TXNL1: variants seen among roughly 807,000 people sequenced by gnomAD.
TXNL1 encodes the protein thioredoxin-like protein 1.
In TXNL1, 14 loss-of-function variants were observed where a neutral mutation model predicts 35.5. That is an observed-to-expected ratio of 0.39 (90% CI 0.26 to 0.62). The LOEUF (loss-of-function observed/expected upper bound fraction) is 0.62, where lower values mean the gene tolerates loss of function less well. TXNL1 is among the 20% of genes least tolerant of loss of function. The probability of loss-of-function intolerance (pLI) is 0.47; values close to 1 mark genes in which losing one functional copy is unlikely to be tolerated. For synonymous variants in TXNL1, 110 were observed against 115.5 expected, an observed-to-expected ratio of 0.95 and a Z score of 0.31; for missense variants, 263 against 349.7, an observed-to-expected ratio of 0.75 and a Z score of 1.98.
intron 1 of TXNL1, among the ~76,000 whole-genome samples, chr18:56,631,392 G>A (rs2024368276): frequency 6.6e-6 from 1 of 151,984 alleles, no homozygotes; most frequent in Admixed American, 6.6e-5. Flanking sequence ...ACCTTGATTA[G>A]CTGCCCTTTG....
At chr18:56,604,071 A>G (rs1185724467) in intron 7 of TXNL1, among the ~76,000 whole-genome samples, 1 of 152,124 alleles carries the variant, frequency 6.6e-6, no homozygotes, top group Admixed American at 6.5e-5. Context: ...CAATCACACA[A>G]TCCTAGAAAT....
rs1207870011 is a variant in TXNL1, at chr18:56,597,513, G to T, written c.*5514C>A. 1 of 152,168 alleles carries T rather than the reference G, an allele frequency of 6.6e-6. No homozygotes were observed. Among genetic ancestry groups the T allele is most frequent in the African/African-American group, 2.4e-5 (1 of 41,454 alleles). The allele number at this position is 152,168 out of a possible 1,614,324, so 9.4% of individuals were successfully genotyped here. On this transcript the variant is annotated 3_prime_UTR_variant, in exon 8 of 8. Transcript: ENST00000217515. ...TTTCAATATCACATTTGAAGATGGT[G>T]ACTGCTCCCTCTTGGATTCATTAAC...
In TXNL1 at chr18:56,599,209, A is replaced by G. The variant is rs1007934390; in HGVS notation, c.*3818T>C. ...CAACTAATAATTTTACATGGACCAC[A>G]AAGTTTAAAAGCGATCTTATTAGCC... On this transcript the variant is annotated 3_prime_UTR_variant, in exon 8 of 8. Coordinates refer to ENST00000217515, the MANE Select transcript of TXNL1 (RefSeq NM_004786.3). The G allele has an allele frequency of 2.6e-5, 4 of 152,116 alleles. No individual in the cohort carries two copies. The highest frequency in any genetic ancestry group is 6.5e-5 in the Admixed American group (1 of 15,268). The allele number at this position is 152,116 out of a possible 1,614,324, so 9.4% of individuals were successfully genotyped here. A position where few individuals can be genotyped will look rare whatever the true frequency, so the allele number is the denominator to read the frequency against.
chr18:56,626,179 G>A, intron 2 of TXNL1, 182 bp downstream of exon 2: 1 of 1,329,680 alleles, frequency 7.5e-7, no homozygotes, highest in Non-Finnish European at 9.6e-7. Flanking sequence ...AATTAATAAT[G>A]TGCTACTCTT....
At chr18:56,619,105 T>C (rs923273712) in intron 3 of TXNL1, among the ~76,000 whole-genome samples, 1 of 150,726 alleles carries the variant, frequency 6.6e-6, no homozygotes, top group Non-Finnish European at 1.5e-5. Flanking sequence ...TCCCAGCTAA[T>C]TGGGAGGCTG....
intron 7 of TXNL1, among the ~76,000 whole-genome samples, chr18:56,607,810 C>T (rs542482166): frequency 4.8e-4 from 73 of 152,156 alleles, no homozygotes; most frequent in African/African-American, 1.5e-3. Context: ...GAGCTGAGAT[C>T]GCACCATTGC....
At chr18:56,618,262 AGTCC>A in intron 3 of TXNL1, 136 bp from the exon 4 acceptor site, 2 of 905,624 alleles carry the variant, frequency 2.2e-6, no homozygotes, top group East Asian at 2.7e-5. Flanking sequence ...CTTTTACAGT[AGTCC>A]TTTCATTTGC....
chr18:56,614,359 G>C (rs910642324), intron 6 of TXNL1, 65 bp downstream of exon 6: 5 of 1,420,594 alleles, frequency 3.5e-6, no homozygotes, highest in Non-Finnish European at 4.8e-6. Flanking sequence ...GACTTACCTA[G>C]GATACTGAAA....
chr18:56,630,984 G>A (rs1205818301), intron 1 of TXNL1, among the ~76,000 whole-genome samples: 1 of 151,622 alleles, frequency 6.6e-6, no homozygotes, highest in African/African-American at 2.4e-5. Context: ...AGGCTCAAGT[G>A]ATCCTTCCAC....
rs1182052183 is a variant in TXNL1 at position 56,634,849 on chromosome 18, C to G, written c.98+3494G>C. On this transcript the variant is annotated intron_variant, in intron 1 of 7. Coordinates refer to ENST00000217515, the MANE Select transcript of TXNL1 (RefSeq NM_004786.3). ...TTTAAAACTCATGCATCAAAGGACA[C>G]CATCAAGAAAAAGACAACCCAAAGA... Among the ~76,000 whole-genome samples, 4 of 152,112 alleles carry G rather than the reference C, an allele frequency of 2.6e-5. No homozygotes were observed. The East Asian group carries it at 7.7e-4, about 29-fold the overall frequency.
At chr18:56,607,773 T>C (rs577412893) in intron 7 of TXNL1, among the ~76,000 whole-genome samples, 48 of 152,198 alleles carry the variant, frequency 3.2e-4, no homozygotes, top group African/African-American at 9.9e-4. Flanking sequence ...GGAGAATCAC[T>C]TGAACCCGGG....
At chr18:56,625,259 TGGATATGTA>T (rs1477048498) in intron 2 of TXNL1, among the ~76,000 whole-genome samples, 1 of 152,094 alleles carries the variant, frequency 6.6e-6, no homozygotes, top group East Asian at 1.9e-4. Flanking sequence ...CCCAAAACAA[TGGATATGTA>T]GCACATGTGA....
chr18:56,616,323 A>G lies in TXNL1; in HGVS notation c.493-9T>C, dbSNP rs528869958. 1.9e-5 allele frequency: 30 copies of G among 1,613,078 alleles called. No homozygotes were observed. The highest frequency in any genetic ancestry group is 9.3e-5 in the African/African-American group (7 of 74,968). On this transcript the variant is annotated splice_polypyrimidine_tract_variant and intron_variant, in intron 4 of 7. Transcript: ENST00000217515. ...GCCACAGTAATAAGCAGCTGTGAAG[A>G]TAAGAGTTTCATTTTAAAGGGCTCT...
intron 7 of TXNL1, among the ~76,000 whole-genome samples, chr18:56,604,978 T>C (rs1407344652): frequency 6.6e-6 from 1 of 151,678 alleles, no homozygotes; most frequent in African/African-American, 2.4e-5. Context: ...TTAATTTTAT[T>C]GTGATGTTAT....
At chr18:56,626,797 C>CTGTTTTTTT (rs2024289562) in intron 1 of TXNL1, among the ~76,000 whole-genome samples, 1 of 55,000 alleles carries the variant, frequency 1.8e-5, no homozygotes, top group Non-Finnish European at 3.2e-5. Context: ...CCAAGCCGGT[C>CTGTTTTTTT]TTTTTTTTTT....
At chr18:56,607,336 T>A (rs1192106790) in intron 7 of TXNL1, among the ~76,000 whole-genome samples, 1 of 151,500 alleles carries the variant, frequency 6.6e-6, no homozygotes, top group Non-Finnish European at 1.5e-5. Flanking sequence ...TTTTTTTTTT[T>A]AAATAGAGAT....
At chr18:56,613,014 T>A (rs1029957449) in intron 6 of TXNL1, among the ~76,000 whole-genome samples, 1 of 151,902 alleles carries the variant, frequency 6.6e-6, no homozygotes, top group Non-Finnish European at 1.5e-5. Flanking sequence ...AGTTCTTGTA[T>A]TTTTTTGTAG....
chr18:56,638,317 C>A, intron 1 of TXNL1, 26 bp downstream of exon 1: 1 of 1,592,182 alleles, frequency 6.3e-7, no homozygotes, highest in Non-Finnish European at 8.6e-7. Context: ...CAGACGGGGA[C>A]CCACAGAGCT....
intron 1 of TXNL1, among the ~76,000 whole-genome samples, chr18:56,635,406 A>G (rs755253762): frequency 1.6e-4 from 24 of 152,244 alleles, no homozygotes; most frequent in Non-Finnish European, 3.1e-4. Flanking sequence ...TGCCATATAA[A>G]TAAATGGATT....
Sources: allele counts gnomAD v4.1 joint callset (sites outside exome capture counted in the v4.1 genomes callset), GRCh38; gene constraint gnomAD v4.1.1; transcripts MANE v1.5; gene names NCBI Gene and HGNC (gene_info 2026-07-23, HGNC 2026-07-21).